The following NR3C1 variants were observed in gnomAD, a reference collection of about 807,000 sequenced individuals.
NR3C1 encodes nuclear receptor subfamily 3 group C member 1, also known as glucocorticoid receptor.
A neutral mutation model predicts 74.0 loss-of-function variants in NR3C1; 14 were observed. That is an observed-to-expected ratio of 0.19 (90% CI 0.12 to 0.30). The LOEUF (loss-of-function observed/expected upper bound fraction) is 0.30, where lower values mean the gene tolerates loss of function less well. Ranked by LOEUF, NR3C1 falls within the 10% of genes least tolerant of loss-of-function variation. NR3C1 has a pLI of 1.00. For missense variants in NR3C1, 695 were observed against 909.8 expected, an observed-to-expected ratio of 0.76 and a Z score of 3.04; for synonymous variants, 308 against 332.5, an observed-to-expected ratio of 0.93 and a Z score of 0.80.
At chr5:143,369,096 C>CATCTCAATACTGCCACATTGGGGATT (rs1833799403) in intron 2 of NR3C1, among the ~76,000 whole-genome samples, 1 of 152,200 alleles carries the variant, frequency 6.6e-6, no homozygotes, top group Admixed American at 6.5e-5. Context: ...AAAGGCCTCA[C>CATCTCAATACTGCCACATTGGGGATT]ATCTCAATAC....
At position 143,289,482 on chromosome 5, in the gene NR3C1, GT is replaced by G. The variant is rs1815350108; in HGVS notation, c.2023+5977del. On this transcript the variant is annotated intron_variant, in intron 7 of 8. Coordinates refer to ENST00000394464, the MANE Select transcript of NR3C1 (RefSeq NM_000176.3). ...CAGAATTTCTATAAGAAAACAAATA[GT>G]AGAAAATCTTTTTAACCCTGGATTA... Among the ~76,000 whole-genome samples the G allele has an allele frequency of 2.6e-5, 4 of 152,272 alleles. No individual in the cohort carries two copies. In the South Asian group the frequency reaches 8.3e-4, roughly 32 times the overall value.
intron 7 of NR3C1, among the ~76,000 whole-genome samples, chr5:143,292,852 C>A (rs1816257149): frequency 6.6e-6 from 1 of 152,126 alleles, no homozygotes; most frequent in Admixed American, 6.5e-5. Flanking sequence ...TTTGTCTATT[C>A]TTCTAGATTT....
intron 2 of NR3C1, among the ~76,000 whole-genome samples, chr5:143,367,202 T>C (rs1035666517): frequency 2.0e-5 from 3 of 152,166 alleles, no homozygotes; most frequent in East Asian, 1.9e-4. Context: ...CAAAATCTAA[T>C]GCCCTTTCCT....
At chr5:143,433,172 C>T (rs1387050163) in intron 1 of NR3C1, among the ~76,000 whole-genome samples, 2 of 151,938 alleles carry the variant, frequency 1.3e-5, no homozygotes, top group East Asian at 3.9e-4. Flanking sequence ...CCAAAGGCAA[C>T]TCAACTGACT....
intron 4 of NR3C1, among the ~76,000 whole-genome samples, chr5:143,307,693 T>TG (rs1221521257): frequency 3.3e-5 from 5 of 152,174 alleles, no homozygotes; most frequent in Non-Finnish European, 7.4e-5. Context: ...TAGAGATAAT[T>TG]GGGACCGGAG....
chr5:143,404,166 G>A, upstream of NR3C1: 3 of 985,538 alleles, frequency 3.0e-6, no homozygotes, highest in Non-Finnish European at 2.4e-6. Context: ...CACAAGAGCC[G>A]GGGCGCCTCC....
rs1184071365 is a variant in NR3C1, at chr5:143,279,030, T to C, written c.*2859A>G. 7 of 300,286 alleles carry C rather than the reference T, an allele frequency of 2.3e-5. No homozygotes were observed. The highest frequency in any genetic ancestry group is 5.7e-5 in the Admixed American group (1 of 17,660). The allele number at this position is 300,286 out of a possible 1,614,324, so 18.6% of individuals were successfully genotyped here. A position where few individuals can be genotyped will look rare whatever the true frequency, so the allele number is the denominator to read the frequency against. On this transcript the variant is annotated 3_prime_UTR_variant, in exon 9 of 9. Coordinates refer to ENST00000394464, the MANE Select transcript of NR3C1 (RefSeq NM_000176.3). The stretch of plus-strand genomic sequence containing the variant: ...ATACCTACAAACACTAAAAATACTT[T>C]TCAGGATTTGTTGTGAGTAACCAAC...
At chr5:143,299,049 C>T (rs1392584605) in intron 5 of NR3C1, among the ~76,000 whole-genome samples, 1 of 130,418 alleles carries the variant, frequency 7.7e-6, no homozygotes, top group Non-Finnish European at 1.6e-5. Flanking sequence ...AAGTCTTGCT[C>T]TGTCACCCAG....
chr5:143,347,528 G>A (rs1829521199), intron 2 of NR3C1, among the ~76,000 whole-genome samples: 1 of 152,168 alleles, frequency 6.6e-6, no homozygotes, highest in South Asian at 2.1e-4. Context: ...TCTATTCAAA[G>A]GGATAGAGAG....
chr5:143,387,080 A>G (rs1837362638), intron 2 of NR3C1, among the ~76,000 whole-genome samples: 1 of 152,250 alleles, frequency 6.6e-6, no homozygotes, highest in South Asian at 2.1e-4. Flanking sequence ...TTAGGAGACT[A>G]TTGATAAGAG....
chr5:143,282,813 T>C (rs918285908), intron 7 of NR3C1, 88 bp from the exon 8 acceptor site: 14 of 1,424,306 alleles, frequency 9.8e-6, no homozygotes, highest in Non-Finnish European at 1.2e-5. Context: ...AGGGTCTCAC[T>C]GTGTCATCCA....
intron 2 of NR3C1, among the ~76,000 whole-genome samples, chr5:143,318,082 T>C (rs1331186047): frequency 6.6e-6 from 1 of 152,048 alleles, no homozygotes; most frequent in Non-Finnish European, 1.5e-5. Flanking sequence ...TTATATATAT[T>C]AGAGTTATAT....
intron 2 of NR3C1, among the ~76,000 whole-genome samples, chr5:143,316,328 CCAAA>C (rs1822070003): frequency 6.6e-6 from 1 of 152,080 alleles, no homozygotes; most frequent in South Asian, 2.1e-4. Flanking sequence ...TTTTTAGGGA[CCAAA>C]CAGTTGTTTG....
At chr5:143,379,532 C>T (rs1048825896) in intron 2 of NR3C1, among the ~76,000 whole-genome samples, 17 of 151,934 alleles carry the variant, frequency 1.1e-4, no homozygotes, top group Admixed American at 1.0e-3. Flanking sequence ...TGTGACAAAT[C>T]GCAAAAAAAT....
chr5:143,394,830 C>G (rs1838901753), intron 2 of NR3C1, among the ~76,000 whole-genome samples: 2 of 151,886 alleles, frequency 1.3e-5, no homozygotes, highest in South Asian at 4.2e-4. Flanking sequence ...TAATTCATGA[C>G]AGTTGATCCA....
chr5:143,281,941 A>G lies in NR3C1; in HGVS notation c.2282T>C (p.Ile761Thr), dbSNP rs2151472803. 6.2e-7 allele frequency: 1 copy of G among 1,613,526 alleles called. No individual in the cohort carries two copies. The highest frequency in any genetic ancestry group is 8.5e-7 in the Non-Finnish European group (1 of 1,179,630). The change falls in exon 9 of 9, where the codon ATA becomes ACA. Residue 761 changes from isoleucine (I) to threonine (T), a missense_variant. This residue lies in a region of NR3C1 where 133 missense variants were observed against 287.9 expected (regional missense o/e 0.46). Coordinates refer to ENST00000394464, the MANE Select transcript of NR3C1 (RefSeq NM_000176.3). Reference protein sequence around the residue: ...EMLAEIITNQIPKYSNGNIKK... With the variant: ...EMLAEIITNQTPKYSNGNIKK... The stretch of plus-strand genomic sequence containing the variant: ...GATATTTCCATTTGAATATTTTGGT[A>G]TCTGATTGGTGATGATTTCAGCTAA...
chr5:143,334,743 T>C (rs1444520079), intron 2 of NR3C1, among the ~76,000 whole-genome samples: 1 of 149,858 alleles, frequency 6.7e-6, no homozygotes, highest in African/African-American at 2.4e-5. Context: ...AAAAAAAGAA[T>C]TAAGAGTACA....
At chr5:143,338,982 AC>A (rs34780316) in intron 2 of NR3C1, among the ~76,000 whole-genome samples, 2 of 152,124 alleles carry the variant, frequency 1.3e-5, no homozygotes, top group Non-Finnish European at 2.9e-5. Context: ...ATAAATACTT[AC>A]CGATGTATTA....
intron 4 of NR3C1, among the ~76,000 whole-genome samples, chr5:143,304,691 T>C (rs1391338969): frequency 2.0e-5 from 3 of 151,800 alleles, no homozygotes; most frequent in Non-Finnish European, 2.9e-5. Context: ...AACAGCATGG[T>C]ACTGGTAAAA....
Sources: allele counts gnomAD v4.1 joint callset (sites outside exome capture counted in the v4.1 genomes callset), GRCh38; gene constraint gnomAD v4.1.1; regional missense constraint gnomAD v4.1.1; transcripts MANE v1.5; gene names NCBI Gene and HGNC (gene_info 2026-07-23, HGNC 2026-07-21).